Variants in TNIP3 observed in about 807,000 individuals in gnomAD.
TNIP3 encodes the protein TNFAIP3 interacting protein 3, also known as TNFAIP3-interacting protein 3.
TNIP3 carries 34 observed loss-of-function variants against 54.1 expected under a neutral mutation model. That is an observed-to-expected ratio of 0.63 (90% CI 0.48 to 0.84). The LOEUF is 0.84. TNIP3 is among the 40% of genes least tolerant of loss of function. The probability of loss-of-function intolerance (pLI) is 0.00; values close to 1 mark genes in which losing one functional copy is unlikely to be tolerated. For missense variants in TNIP3, 366 were observed against 387.6 expected, an observed-to-expected ratio of 0.94 and a Z score of 0.47; for synonymous variants, 134 against 136.8, an observed-to-expected ratio of 0.98 and a Z score of 0.14.
intron 2 of TNIP3, among the ~76,000 whole-genome samples, chr4:121,189,153 G>C (rs1282255287): frequency 6.6e-6 from 1 of 152,196 alleles, no homozygotes; most frequent in Admixed American, 6.5e-5. Context: ...GTGGGGCTAA[G>C]TGATAGCAAA....
At chr4:121,165,884 T>C (rs1433249103), upstream of TNIP3, among the ~76,000 whole-genome samples, 2 of 152,178 alleles carry the variant, frequency 1.3e-5, no homozygotes, top group Non-Finnish European at 2.9e-5. Context: ...AACTGACACT[T>C]TATCAACACT....
intron 3 of TNIP3, among the ~76,000 whole-genome samples, chr4:121,177,279 G>A (rs1455535800): frequency 6.6e-6 from 1 of 151,932 alleles, no homozygotes; most frequent in African/African-American, 2.4e-5. Context: ...TTCTCACTTA[G>A]GCAATTATTT....
chr4:121,175,438 T>A (rs984884897), intron 3 of TNIP3, among the ~76,000 whole-genome samples: 30 of 152,194 alleles, frequency 2.0e-4, no homozygotes, highest in Non-Finnish European at 1.8e-4. Flanking sequence ...CAAGTCTTGG[T>A]TGCTTCCCCC....
chr4:121,203,165 T>C (rs1725984805), intron 2 of TNIP3, among the ~76,000 whole-genome samples: 1 of 151,598 alleles, frequency 6.6e-6, no homozygotes, highest in African/African-American at 2.4e-5. Flanking sequence ...TGCAAAAATA[T>C]GAAACCAGCC....
chr4:121,137,835 A>G, intron 10 of TNIP3: 1 of 403,926 alleles, frequency 2.5e-6, no homozygotes, highest in South Asian at 1.8e-5. Context: ...GAAATTAACA[A>G]GTTAGAGTCC....
chr4:121,187,054 A>G (rs1004083698), intron 2 of TNIP3, among the ~76,000 whole-genome samples: 2 of 152,206 alleles, frequency 1.3e-5, no homozygotes, highest in African/African-American at 4.8e-5. Context: ...ATTTTTTCCT[A>G]TAAAGCTCAA....
At chr4:121,203,214 G>T (rs1725987507) in intron 2 of TNIP3, among the ~76,000 whole-genome samples, 1 of 111,926 alleles carries the variant, frequency 8.9e-6, no homozygotes, top group African/African-American at 3.3e-5. Flanking sequence ...AAGAAAATGT[G>T]ATATAGATAG....
intron 2 of TNIP3, among the ~76,000 whole-genome samples, chr4:121,188,281 T>C (rs762911703): frequency 6.6e-6 from 1 of 152,038 alleles, no homozygotes; most frequent in Non-Finnish European, 1.5e-5. Flanking sequence ...AATAGGATAG[T>C]AGGTTTCACC....
At chr4:121,211,805 A>C (rs757522645) in intron 2 of TNIP3, among the ~76,000 whole-genome samples, 4 of 152,200 alleles carry the variant, frequency 2.6e-5, no homozygotes, top group Non-Finnish European at 5.9e-5. Flanking sequence ...AACTCCTTAG[A>C]GTTACCACAC....
chr4:121,219,971 A>G (rs1726963299), upstream of TNIP3, among the ~76,000 whole-genome samples: 1 of 152,190 alleles, frequency 6.6e-6, no homozygotes, highest in Admixed American at 6.5e-5. Context: ...GGTTCAATAC[A>G]TTTAGGATAA....
intron 3 of TNIP3, among the ~76,000 whole-genome samples, chr4:121,180,358 C>T (rs994601361): frequency 6.6e-6 from 1 of 152,036 alleles, no homozygotes; most frequent in Non-Finnish European, 1.5e-5. Flanking sequence ...CGAGATCGCA[C>T]CACTGCACTC....
At chr4:121,161,484 C>T (rs113282653) in intron 1 of TNIP3, among the ~76,000 whole-genome samples, 1,786 of 152,024 alleles carry the variant, frequency 0.012, 29 homozygotes, top group African/African-American at 0.04. Flanking sequence ...TATACTATAA[C>T]GGGTAAGTCA....
rs187863125 is a variant in TNIP3 at position 121,143,876 on chromosome 4, G to T, written c.736-1100C>A. 6.6e-5 allele frequency among the ~76,000 whole-genome samples: 10 copies of T among 152,262 alleles called. No homozygotes were observed. In the East Asian group the frequency reaches 1.5e-3, roughly 23 times the overall value. On this transcript the variant is annotated intron_variant, in intron 7 of 10. Coordinates refer to ENST00000057513, the MANE Select transcript of TNIP3 (RefSeq NM_024873.6). ...AGGCACATCACATCCTTCATGCTTA[G>T]GAATACTAGAGAGCATGACAGCATA...
intron 9 of TNIP3, among the ~76,000 whole-genome samples, chr4:121,140,998 T>C (rs1729086231): frequency 6.6e-6 from 1 of 152,218 alleles, no homozygotes; most frequent in Non-Finnish European, 1.5e-5. Flanking sequence ...AAGAGAATCA[T>C]GTTCTCTGTA....
chr4:121,168,521 C>CTTT (rs35307961), upstream of TNIP3, among the ~76,000 whole-genome samples: 13 of 132,348 alleles, frequency 9.8e-5, no homozygotes, highest in African/African-American at 1.9e-4. Context: ...CTTTTCTTTG[C>CTTT]TTTTTTTTTT....
intron 2 of TNIP3, among the ~76,000 whole-genome samples, chr4:121,208,487 C>A (rs1445717334): frequency 6.6e-6 from 1 of 152,178 alleles, no homozygotes; most frequent in African/African-American, 2.4e-5. Flanking sequence ...CCTAACCAAT[C>A]AGCACTACCC....
chr4:121,152,558 A>G (rs1729825300), intron 5 of TNIP3, among the ~76,000 whole-genome samples: 1 of 152,152 alleles, frequency 6.6e-6, no homozygotes, highest in Admixed American at 6.5e-5. Context: ...AGCTAATTAA[A>G]TTCATCCATT....
chr4:121,154,371 T>C, intron 5 of TNIP3, 180 bp downstream of exon 5: 1 of 741,202 alleles, frequency 1.3e-6, no homozygotes, highest in South Asian at 1.8e-5. Flanking sequence ...TAAAGCCTCC[T>C]TAGCCAAGTA....
chr4:121,152,826 CA>C (rs1729841077), intron 5 of TNIP3, among the ~76,000 whole-genome samples: 1 of 152,076 alleles, frequency 6.6e-6, no homozygotes, highest in African/African-American at 2.4e-5. Context: ...TAAACATAAA[CA>C]TACTTATGGG....
Sources: allele counts gnomAD v4.1 joint callset (sites outside exome capture counted in the v4.1 genomes callset), GRCh38; gene constraint gnomAD v4.1.1; transcripts MANE v1.5; gene names NCBI Gene and HGNC (gene_info 2026-07-23, HGNC 2026-07-21).